NCAM1: variants seen among roughly 807,000 people sequenced by gnomAD.
The protein encoded by NCAM1 is antigen recognized by monoclonal antibody 5.1H11.
In NCAM1, 14 loss-of-function variants were observed where a neutral mutation model predicts 109.8. That is an observed-to-expected ratio of 0.13 (90% confidence interval 0.08 to 0.20). The LOEUF is 0.20. Among genes scored for constraint, NCAM1 ranks in the 10% least tolerant of loss-of-function variants. The probability of loss-of-function intolerance (pLI) is 1.00; values close to 1 mark genes in which losing one functional copy is unlikely to be tolerated. For synonymous variants in NCAM1, 418 were observed against 442.9 expected (o/e 0.94, Z 0.70); for missense variants, 774 against 1,109.9 (o/e 0.70, Z 4.30).
chr11:113,007,774 GT>G (rs1951926563), intron 1 of NCAM1, among the ~76,000 whole-genome samples: 1 of 152,194 alleles, frequency 6.6e-6, no homozygotes, highest in Admixed American at 6.5e-5. Context: ...TGCATTGCCA[GT>G]GTTCTTCAAG....
At chr11:113,148,319 G>A (rs1183743023) in intron 1 of NCAM1, among the ~76,000 whole-genome samples, 1 of 151,570 alleles carries the variant, frequency 6.6e-6, no homozygotes, top group Admixed American at 6.6e-5. Flanking sequence ...TCAGTCACCT[G>A]GGCCAGTTCT....
At chr11:113,156,932 G>A (rs1173648113) in intron 1 of NCAM1, among the ~76,000 whole-genome samples, 1 of 152,090 alleles carries the variant, frequency 6.6e-6, no homozygotes, top group Non-Finnish European at 1.5e-5. Context: ...AATGGAAAAG[G>A]TACTCGTTAG....
chr11:113,157,136 G>GACAGACACACACAC (rs1555103558), intron 1 of NCAM1, among the ~76,000 whole-genome samples: 1 of 146,878 alleles, frequency 6.8e-6, no homozygotes, highest in African/African-American at 2.5e-5. Context: ...GTTTCCCTGA[G>GACAGACACACACAC]ACACACACAC....
intron 1 of NCAM1, among the ~76,000 whole-genome samples, chr11:113,141,091 G>C (rs1407783870): frequency 6.6e-6 from 1 of 152,106 alleles, no homozygotes; most frequent in African/African-American, 2.4e-5. Context: ...TTGTAAGCCA[G>C]CTGTTCATTT....
chr11:113,084,070 G>A (rs1319479507), intron 1 of NCAM1, among the ~76,000 whole-genome samples: 4 of 152,188 alleles, frequency 2.6e-5, no homozygotes, highest in Non-Finnish European at 5.9e-5. Flanking sequence ...TCTGAAGTGT[G>A]AACAGGTTAT....
chr11:113,173,588 C>T (rs1339329191), intron 1 of NCAM1, among the ~76,000 whole-genome samples: 4 of 32,296 alleles, frequency 1.2e-4, no homozygotes, highest in Non-Finnish European at 2.2e-4. Context: ...TAGCATGTTA[C>T]CTGATATATA....
chr11:113,086,572 AAGGAAGGT>A (rs1338987764), intron 1 of NCAM1, among the ~76,000 whole-genome samples: 2 of 152,162 alleles, frequency 1.3e-5, no homozygotes, highest in African/African-American at 2.4e-5. Flanking sequence ...AAACATTCTT[AAGGAAGGT>A]AGGTGTTAAA....
chr11:113,186,140 G>T (rs979260478), intron 1 of NCAM1, among the ~76,000 whole-genome samples: 20 of 152,216 alleles, frequency 1.3e-4, no homozygotes, highest in African/African-American at 4.3e-4. Context: ...TAGGCCAGGG[G>T]TCCCCAGCCC....
chr11:113,220,141 G>T (rs1443954481), intron 8 of NCAM1, among the ~76,000 whole-genome samples: 1 of 152,184 alleles, frequency 6.6e-6, no homozygotes, highest in African/African-American at 2.4e-5. Context: ...TTGAATCCTA[G>T]TATGAAAAAC....
chr11:112,973,388 G>A (rs919882216), intron 1 of NCAM1, among the ~76,000 whole-genome samples: 5 of 152,044 alleles, frequency 3.3e-5, no homozygotes, highest in Non-Finnish European at 7.4e-5. Context: ...TGTTATCAAG[G>A]GCATAAGAAG....
intron 1 of NCAM1, among the ~76,000 whole-genome samples, chr11:113,148,889 C>A (rs1344062856): frequency 6.6e-6 from 1 of 152,126 alleles, no homozygotes; most frequent in African/African-American, 2.4e-5. Flanking sequence ...TCACTCTTCT[C>A]AGAGAGGTCA....
At chr11:113,213,371 A>T (rs547585447) in intron 7 of NCAM1, among the ~76,000 whole-genome samples, 2 of 152,292 alleles carry the variant, frequency 1.3e-5, no homozygotes, top group South Asian at 4.1e-4. Context: ...GGGAAAATTC[A>T]ATTTTCTCTA....
At chr11:113,122,544 G>C (rs1555096298) in intron 1 of NCAM1, among the ~76,000 whole-genome samples, 1 of 152,196 alleles carries the variant, frequency 6.6e-6, no homozygotes, top group Non-Finnish European at 1.5e-5. Flanking sequence ...AGCACTTTGG[G>C]AGGCCGAGGC....
chr11:113,183,730 G>A lies in NCAM1; in HGVS notation c.53-18649G>A, dbSNP rs573260153. 9.9e-5 allele frequency among the ~76,000 whole-genome samples: 15 copies of A among 151,982 alleles called. No homozygotes were observed. In the East Asian group the frequency reaches 1.2e-3, roughly 12 times the overall value. The stretch of plus-strand genomic sequence containing the variant: ...AACTCGCATGTCCAGGGACTTATTC[G>A]TGTTCATAATACCAACCACTTGGAA... On this transcript the variant is annotated intron_variant, in intron 1 of 19. Transcript: ENST00000316851.
chr11:113,136,845 G>A lies in NCAM1; in HGVS notation c.53-65534G>A, dbSNP rs56310178. Among the ~76,000 whole-genome samples the A allele has an allele frequency of 5.5e-3, 843 of 152,280 alleles. 17 individuals are homozygous for A. Among genetic ancestry groups the A allele is most frequent in the Non-Finnish European group, 4.0e-3 (269 of 68,008 alleles). On this transcript the variant is annotated intron_variant, in intron 1 of 19. Transcript: ENST00000316851. ...GGCAATAGACAACAGAGGGATAAAT[G>A]GTCCCAGTGCAAGAGGAGGAGCTGA...
At chr11:113,125,282 A>G (rs1436745947) in intron 1 of NCAM1, among the ~76,000 whole-genome samples, 3 of 152,210 alleles carry the variant, frequency 2.0e-5, no homozygotes, top group African/African-American at 4.8e-5. Flanking sequence ...TGTTACACCT[A>G]TTAAGGAATG....
Position 113,270,404 on chromosome 11 carries a change from A to C in NCAM1, c.2339+9A>C. On this transcript the variant is annotated intron_variant, in intron 18 of 19. Coordinates refer to ENST00000316851, the MANE Select transcript of NCAM1 (RefSeq NM_181351.5). ...GGCAAGGCCGCCTTCTCGTGAGTGCAGACCTGTCCACCTTGCTGAGGTTTG... is the reference window on the plus strand; with the variant it reads ...GGCAAGGCCGCCTTCTCGTGAGTGCCGACCTGTCCACCTTGCTGAGGTTTG... The C allele has an allele frequency of 6.2e-7, 1 of 1,613,836 alleles. No homozygotes were observed. The highest frequency in any genetic ancestry group is 8.5e-7 in the Non-Finnish European group (1 of 1,179,786).
chr11:113,078,492 G>A (rs1938633402), intron 1 of NCAM1, among the ~76,000 whole-genome samples: 1 of 152,092 alleles, frequency 6.6e-6, no homozygotes, highest in African/African-American at 2.4e-5. Context: ...TGCTTGCCAA[G>A]GCCTAAGGCT....
intron 1 of NCAM1, among the ~76,000 whole-genome samples, chr11:113,046,552 G>A (rs1168050329): frequency 2.0e-5 from 3 of 152,144 alleles, no homozygotes; most frequent in Non-Finnish European, 4.4e-5. Flanking sequence ...AAGGTACCTG[G>A]CATGGAAGAT....
Sources: allele counts gnomAD v4.1 joint callset (sites outside exome capture counted in the v4.1 genomes callset), GRCh38; gene constraint gnomAD v4.1.1; transcripts MANE v1.5; gene names NCBI Gene and HGNC (gene_info 2026-07-23, HGNC 2026-07-21).